AHI1: variants seen among roughly 807,000 people sequenced by gnomAD.
AHI1 encodes the protein jouberin.
A neutral mutation model predicts 149.3 loss-of-function variants in AHI1; 123 were observed. The ratio of observed to expected loss-of-function variants is 0.82; its 90% CI spans 0.71 to 0.96. The LOEUF is 0.96. Among genes scored for constraint, AHI1 ranks in the 40% least tolerant of loss-of-function variants. The probability of loss-of-function intolerance (pLI) is 0.00; values close to 1 mark genes in which losing one functional copy is unlikely to be tolerated. For synonymous variants in AHI1, 475 were observed against 459.8 expected, an observed-to-expected ratio of 1.03 and a Z score of -0.42; for missense variants, 1,439 against 1,422.7, an observed-to-expected ratio of 1.01 and a Z score of -0.18.
At chr6:135,292,719 A>G (rs1385596996) in intron 27 of AHI1, among the ~76,000 whole-genome samples, 1 of 152,252 alleles carries the variant, frequency 6.6e-6, no homozygotes, top group Non-Finnish European at 1.5e-5. Context: ...ATCCGTAATT[A>G]AAAATGTGTT....
intron 13 of AHI1, among the ~76,000 whole-genome samples, chr6:135,446,579 C>T (rs562032541): frequency 2.6e-5 from 4 of 152,258 alleles, no homozygotes; most frequent in Admixed American, 1.3e-4. Context: ...TAAGAAAAGA[C>T]GCGAGAAAGG....
At chr6:135,333,617 T>C (rs190240585) in intron 24 of AHI1, among the ~76,000 whole-genome samples, 4 of 152,348 alleles carry the variant, frequency 2.6e-5, no homozygotes, top group Admixed American at 6.5e-5. Flanking sequence ...TGCTGTATAA[T>C]GCAACGATAA....
At chr6:135,388,135 A>G (rs1777888144) in intron 23 of AHI1, 5 of 1,323,982 alleles carry the variant, frequency 3.8e-6, no homozygotes, top group Middle Eastern at 2.2e-4. Context: ...TATAGAAATC[A>G]GTTAATTTTG....
chr6:135,412,514 C>T lies in AHI1; in HGVS notation c.2765-970G>A, dbSNP rs534501382. 5.9e-5 allele frequency among the ~76,000 whole-genome samples: 9 copies of T among 152,140 alleles called. No individual in the cohort carries two copies. The East Asian group carries it at 1.2e-3, about 20-fold the overall frequency. On this transcript the variant is annotated intron_variant, in intron 20 of 28. Transcript: ENST00000265602. ...TTTTGGATTTAATTCTCTAGAGTGA[C>T]GAAGATGGCTCAAAGGGTGAATGTT...
chr6:135,394,490 T>C (rs1194978744), intron 23 of AHI1, among the ~76,000 whole-genome samples: 1 of 152,062 alleles, frequency 6.6e-6, no homozygotes, highest in Non-Finnish European at 1.5e-5. Flanking sequence ...ATTGGGAAAC[T>C]GAATCAGATT....
In AHI1 at chr6:135,398,226, C is replaced by G. The variant is rs540194914; in HGVS notation, c.2989-3330G>C. The stretch of plus-strand genomic sequence containing the variant: ...ATATAAATTTTAAGAGTAGCTTATG[C>G]TCTTGTGATTTCTAGCTTAGTAAAG... On this transcript the variant is annotated intron_variant, in intron 22 of 28. Transcript: ENST00000265602. 6.6e-5 allele frequency among the ~76,000 whole-genome samples: 10 copies of G among 152,096 alleles called. No individual in the cohort carries two copies. In the South Asian group the frequency reaches 1.7e-3, roughly 25 times the overall value.
chr6:135,462,498 C>T (rs1412084465), intron 8 of AHI1, among the ~76,000 whole-genome samples: 2 of 150,912 alleles, frequency 1.3e-5, no homozygotes, highest in African/African-American at 4.9e-5. Context: ...ACAACTGAGT[C>T]CTAACCATTT....
At chr6:135,414,963 C>A (rs534807357) in intron 20 of AHI1, among the ~76,000 whole-genome samples, 2 of 111,514 alleles carry the variant, frequency 1.8e-5, no homozygotes, top group Non-Finnish European at 1.8e-5. Context: ...TCCCTCCCCC[C>A]TCCCCCCACC....
Position 135,292,604 on chromosome 6 carries a change from T to A in AHI1, c.3486-2079A>T, listed in dbSNP as rs28677920. On this transcript the variant is annotated intron_variant, in intron 27 of 28. Transcript: ENST00000265602. ...CAGTGAACTGATGAGTGCACACATC[T>A]GGGAAAATCACTTGAGGCCCGGAAC... 6.8e-3 allele frequency among the ~76,000 whole-genome samples: 1,034 copies of A among 152,280 alleles called. 14 individuals carry two copies. Among genetic ancestry groups the A allele is most frequent in the African/African-American group, 0.023 (970 of 41,532 alleles).
intron 26 of AHI1, among the ~76,000 whole-genome samples, chr6:135,312,876 A>T (rs1053589235): frequency 6.6e-6 from 1 of 152,248 alleles, no homozygotes; most frequent in Non-Finnish European, 1.5e-5. Flanking sequence ...GATGCCCCAC[A>T]ATTTTAGTCA....
chr6:135,365,138 TG>T (rs1773984170), intron 23 of AHI1, among the ~76,000 whole-genome samples: 1 of 152,190 alleles, frequency 6.6e-6, no homozygotes, highest in African/African-American at 2.4e-5. Context: ...GTTAAGTATG[TG>T]GGTTTATTTC....
chr6:135,328,046 C>T (rs758252552), intron 24 of AHI1, among the ~76,000 whole-genome samples: 6 of 151,952 alleles, frequency 3.9e-5, no homozygotes, highest in Admixed American at 6.6e-5. Context: ...AACTTGAAGC[C>T]GGTTGGTCAA....
In AHI1 at chr6:135,492,261, G is replaced by A. The variant is rs1267506274; in HGVS notation, c.-24C>T. On this transcript the variant is annotated 5_prime_UTR_variant, in exon 4 of 29. Transcript: ENST00000265602. ...ATCTCTCAGCTTTATGCAGAGGACT[G>A]AGAATGCAAAGCATTGACTCAATCA... is the stretch of plus-strand genomic sequence containing the variant. 6 of 1,537,340 alleles carry A rather than the reference G, an allele frequency of 3.9e-6. No individual in the cohort carries two copies. The highest frequency in any genetic ancestry group is 1.4e-5 in the African/African-American group (1 of 72,906).
chr6:135,370,601 T>C (rs113784031), intron 23 of AHI1, among the ~76,000 whole-genome samples: 1,811 of 152,334 alleles, frequency 0.012, 37 homozygotes, highest in African/African-American at 0.041. Context: ...TAAGTGACTG[T>C]TTGTCTTTAC....
chr6:135,383,409 A>AT (rs200574528), intron 23 of AHI1, among the ~76,000 whole-genome samples: 7 of 151,054 alleles, frequency 4.6e-5, no homozygotes, highest in Non-Finnish European at 7.4e-5. Context: ...TTAAAAAAAC[A>AT]TTTTTTTTAA....
intron 5 of AHI1, among the ~76,000 whole-genome samples, chr6:135,470,134 G>T (rs1029824900): frequency 6.6e-6 from 1 of 151,782 alleles, no homozygotes; most frequent in Non-Finnish European, 1.5e-5. Flanking sequence ...AAAACTAAAC[G>T]ACCCCACAAA....
Position 135,394,757 on chromosome 6 carries a change from A to C in AHI1, c.3109+19T>G, listed in dbSNP as rs1778987113. On this transcript the variant is annotated intron_variant, in intron 23 of 28. Coordinates refer to ENST00000265602, the MANE Select transcript of AHI1 (RefSeq NM_001134831.2). ...ATCTGAACATTTAAAAGAATTGTCA[A>C]AGTAAGAAAGGGGCTCACCGGTCTG... 6.2e-7 allele frequency: 1 copy of C among 1,609,168 alleles called. No homozygotes were observed.
intron 24 of AHI1, among the ~76,000 whole-genome samples, chr6:135,332,271 C>T (rs910022148): frequency 3.9e-5 from 6 of 152,052 alleles, no homozygotes; most frequent in Admixed American, 6.6e-5. Flanking sequence ...GGTTTCACCA[C>T]GTTGGTCAGG....
At chr6:135,413,665 G>A (rs547055625) in intron 20 of AHI1, among the ~76,000 whole-genome samples, 1 of 151,858 alleles carries the variant, frequency 6.6e-6, no homozygotes, top group East Asian at 1.9e-4. Flanking sequence ...TAGCAATGTT[G>A]TAGGATTGAG....
Sources: allele counts gnomAD v4.1 joint callset (sites outside exome capture counted in the v4.1 genomes callset), GRCh38; gene constraint gnomAD v4.1.1; transcripts MANE v1.5; gene names NCBI Gene and HGNC (gene_info 2026-07-23, HGNC 2026-07-21).